Variants in MYO18B observed in about 807,000 individuals in gnomAD.
MYO18B encodes myosin XVIIIB.
In MYO18B, 204 loss-of-function variants were observed where a neutral mutation model predicts 273.0. That is an observed-to-expected ratio of 0.75 (90% confidence interval 0.67 to 0.84). The LOEUF (loss-of-function observed/expected upper bound fraction) is 0.84, where lower values mean the gene tolerates loss of function less well. Ranked by LOEUF, MYO18B falls within the 40% of genes least tolerant of loss-of-function variation. The pLI, the probability that MYO18B is intolerant of heterozygous loss-of-function variation, is 0.00. For synonymous variants in MYO18B, 1,330 were observed against 1,305.7 expected (o/e 1.02, Z -0.40); for missense variants, 3,212 against 3,287.6 (o/e 0.98, Z 0.56).
intron 12 of MYO18B, among the ~76,000 whole-genome samples, chr22:25,806,275 C>T (rs973496342): frequency 5.9e-5 from 9 of 152,162 alleles, no homozygotes; most frequent in African/African-American, 1.9e-4. Context: ...GGGCACTGAA[C>T]GACAACCACT....
chr22:25,783,957 A>ACCAGGTAGATGCTTCTTAATTATTTGTC (rs2087270098), intron 10 of MYO18B, among the ~76,000 whole-genome samples: 1 of 152,142 alleles, frequency 6.6e-6, no homozygotes, highest in Non-Finnish European at 1.5e-5. Flanking sequence ...ACCCATATGG[A>ACCAGGTAGATGCTTCTTAATTATTTGTC]AGCTTCCAAA....
intron 12 of MYO18B, among the ~76,000 whole-genome samples, chr22:25,813,105 C>T (rs1407693071): frequency 2.0e-5 from 3 of 150,234 alleles, no homozygotes; most frequent in Admixed American, 6.6e-5. Flanking sequence ...TTCTATTCTC[C>T]TCTTTCCTCC....
In MYO18B at chr22:26,026,955, A is replaced by G. The variant is rs1194401772; in HGVS notation, c.6981A>G (p.Lys2327=). The G allele has an allele frequency of 3.1e-6, 5 of 1,613,746 alleles. No homozygotes were observed. The highest frequency in any genetic ancestry group is 4.2e-6 in the Non-Finnish European group (5 of 1,179,876). The change falls in exon 43 of 44, where the codon AAA becomes AAG. Residue 2327 remains lysine, a synonymous_variant. Transcript: ENST00000335473. The part of the protein sequence containing the change: ...AGGLLRSTSL[K]CISSDGVGGT... ...GTCTCTTGAGGTCCACCAGCCTCAA[A>G]TGCATCTCTTCAGACGGTGTTGGGG...
intron 10 of MYO18B, among the ~76,000 whole-genome samples, chr22:25,785,062 G>A (rs1329119880): frequency 6.6e-6 from 1 of 152,156 alleles, no homozygotes. Flanking sequence ...GCTGTCATGA[G>A]TCATCTTAGG....
At chr22:26,062,644 A>T in the MYO18B span, among the ~76,000 whole-genome samples, 1 of 152,186 alleles carries the variant, frequency 6.6e-6, no homozygotes, top group African/African-American at 2.4e-5. Flanking sequence ...TGCTTAAGGT[A>T]GGTTGAGTTC....
intron 39 of MYO18B, among the ~76,000 whole-genome samples, chr22:25,958,570 A>G (rs958989100): frequency 6.6e-6 from 1 of 152,138 alleles, no homozygotes; most frequent in African/African-American, 2.4e-5. Flanking sequence ...TACCTATTCA[A>G]CACCAGCTAT....
chr22:26,055,167 G>A, the MYO18B span, among the ~76,000 whole-genome samples: 1 of 152,136 alleles, frequency 6.6e-6, no homozygotes, highest in African/African-American at 2.4e-5. Context: ...AGAGCCCGGT[G>A]TTTTTTCTCT....
At position 25,946,176 on chromosome 22, in the gene MYO18B, A is replaced by G. The variant is rs1297755252; in HGVS notation, c.5557A>G (p.Thr1853Ala). ...AGCCAAGTGTGAGGAGGCCTTGAAG[A>G]CGCAGAAGGTGCTCACAGCGGACCT... ...SEAKCEEALK[T>A]QKVLTADLES... The change falls in exon 35 of 44, where the codon ACG (threonine) becomes GCG (alanine). Residue 1853 changes from threonine to alanine, a missense_variant. Physicochemically the swap from Thr to Ala is moderately conservative, Grantham distance 58. Coordinates refer to ENST00000335473, the MANE Select transcript of MYO18B (RefSeq NM_032608.7). 6.3e-7 allele frequency: 1 copy of G among 1,578,120 alleles called. No individual in the cohort carries two copies. The highest frequency in any genetic ancestry group is 1.7e-4 in the Middle Eastern group (1 of 6,032).
At chr22:25,987,694 A>G (rs1198076083) in intron 39 of MYO18B, among the ~76,000 whole-genome samples, 1 of 152,080 alleles carries the variant, frequency 6.6e-6, no homozygotes, top group Non-Finnish European at 1.5e-5. Context: ...CTTTATTTGT[A>G]TTGCCGGCAC....
At position 25,760,059 on chromosome 22, in the gene MYO18B, A is replaced by G. The variant is rs566204297; in HGVS notation, c.-109-925A>G. The stretch of plus-strand genomic sequence containing the variant: ...TTTCCTGCCCTTACCTCATCTTCCA[A>G]CTATGGAACCAAGTATTCCCTTCAC... On this transcript the variant is annotated intron_variant, in intron 1 of 43. Coordinates refer to ENST00000335473, the MANE Select transcript of MYO18B (RefSeq NM_032608.7). Among the ~76,000 whole-genome samples the G allele has an allele frequency of 7.9e-5, 12 of 152,266 alleles. No individual in the cohort carries two copies. The East Asian group carries it at 1.7e-3, about 22-fold the overall frequency.
chr22:26,041,352 CAAA>C, the MYO18B span, among the ~76,000 whole-genome samples: 3 of 62,176 alleles, frequency 4.8e-5, no homozygotes, highest in Non-Finnish European at 9.8e-5. Context: ...CTGTCTCTAC[CAAA>C]AAAAAAAAAA....
In MYO18B at chr22:26,026,506, C is replaced by G; in HGVS notation, c.6532C>G (p.Arg2178Gly). The change falls in exon 43 of 44, where the codon CGG becomes GGG. Residue 2178 changes from arginine to glycine, a missense_variant. Arg to Gly is a moderately radical substitution (Grantham distance 125). Transcript: ENST00000335473. ...GTCGGCATTGGCACTGAGCAGAGCC[C>G]GGTCCACCAATGTCCACAGCAAGAC... ...TQSALALSRA[R>G]STNVHSKTSG... 6.2e-7 allele frequency: 1 copy of G among 1,613,856 alleles called. No individual in the cohort carries two copies. The highest frequency in any genetic ancestry group is 2.2e-5 in the East Asian group (1 of 44,870).
At chr22:25,822,399 C>A (rs954237005) in intron 12 of MYO18B, among the ~76,000 whole-genome samples, 1 of 152,194 alleles carries the variant, frequency 6.6e-6, no homozygotes, top group Admixed American at 6.5e-5. Context: ...TGGCAGAGGG[C>A]AGAGGGAACT....
intron 33 of MYO18B, among the ~76,000 whole-genome samples, chr22:25,914,797 C>T (rs953073811): frequency 5.9e-5 from 8 of 135,854 alleles, no homozygotes; most frequent in South Asian, 2.4e-4. Flanking sequence ...CCTGGGTTCA[C>T]GCTATTCTCC....
intron 34 of MYO18B, among the ~76,000 whole-genome samples, chr22:25,945,260 C>T (rs2092691055): frequency 6.6e-6 from 1 of 152,118 alleles, no homozygotes; most frequent in African/African-American, 2.4e-5. Context: ...GGCCGTCAAA[C>T]CACCTCCTAC....
chr22:25,978,022 G>A (rs1334780959), intron 39 of MYO18B, among the ~76,000 whole-genome samples: 1 of 152,180 alleles, frequency 6.6e-6, no homozygotes, highest in East Asian at 1.9e-4. Context: ...GGCAGGAAGA[G>A]TTTAAAGTTG....
intron 42 of MYO18B, among the ~76,000 whole-genome samples, chr22:26,009,641 AC>A (rs1007155557): frequency 7.9e-5 from 12 of 152,190 alleles, no homozygotes; most frequent in African/African-American, 2.4e-4. Context: ...ATTTTCCTGG[AC>A]TTTTCCCCAC....
chr22:25,785,048 T>C (rs775411627), intron 10 of MYO18B, among the ~76,000 whole-genome samples: 3 of 152,028 alleles, frequency 2.0e-5, no homozygotes, highest in Non-Finnish European at 4.4e-5. Context: ...ACCCATGGAG[T>C]GGGGCTGTCA....
chr22:25,774,256 T>C (rs2086831480), intron 7 of MYO18B, among the ~76,000 whole-genome samples: 1 of 152,148 alleles, frequency 6.6e-6, no homozygotes, highest in South Asian at 2.1e-4. Context: ...ACCACCGCTG[T>C]CCATGGTCAA....
Sources: gnomAD v4.1 joint callset for allele counts (sites outside exome capture counted in the v4.1 genomes callset) on GRCh38, gnomAD v4.1.1 for gene constraint, MANE v1.5 for transcripts, NCBI Gene and HGNC (gene_info 2026-07-23, HGNC 2026-07-21) for gene names.